The following GLP2R variants were observed in gnomAD, a reference collection of about 807,000 sequenced individuals.
GLP2R encodes the protein glucagon-like peptide 2 receptor.
GLP2R carries 59 observed loss-of-function variants against 68.2 expected under a neutral mutation model. The ratio of observed to expected loss-of-function variants is 0.87; its 90% CI spans 0.70 to 1.07. GLP2R has a LOEUF of 1.07. GLP2R is among the 50% of genes least tolerant of loss of function. The pLI is 0.00. For missense variants in GLP2R, 548 were observed against 677.4 expected (o/e 0.81, Z 2.12); for synonymous variants, 270 against 265.4 (o/e 1.02, Z -0.17).
intron 11 of GLP2R, among the ~76,000 whole-genome samples, chr17:9,882,537 C>T (rs754169252): frequency 6.6e-6 from 1 of 152,096 alleles, no homozygotes. Context: ...TGAGTTTCTG[C>T]ACACATACAG....
At position 9,835,778 on chromosome 17, in the gene GLP2R, T is replaced by C. The variant is rs150799850; in HGVS notation, c.278-593T>C. 5.4e-3 allele frequency among the ~76,000 whole-genome samples: 819 copies of C among 152,164 alleles called. 8 individuals carry two copies. Among genetic ancestry groups the C allele is most frequent in the African/African-American group, 0.018 (756 of 41,532 alleles). On this transcript the variant is annotated intron_variant, in intron 2 of 12. Coordinates refer to ENST00000262441, the MANE Select transcript of GLP2R (RefSeq NM_004246.3). ...GTCGGTGGCTGGGCATGGTGTCTCA[T>C]GCCTATAATCCCAGCACTTTGGGAA...
At chr17:9,884,962 C>T (rs17810412) in intron 11 of GLP2R, among the ~76,000 whole-genome samples, 31,212 of 151,640 alleles carry the variant, frequency 0.21, 4,210 homozygotes, top group Non-Finnish European at 0.31. Context: ...AATGTGAGCC[C>T]TTGATCACCT....
chr17:9,830,914 A>T (rs1268852171), intron 1 of GLP2R, among the ~76,000 whole-genome samples: 5 of 152,246 alleles, frequency 3.3e-5, no homozygotes, highest in African/African-American at 1.2e-4. Context: ...TGTGCAATGG[A>T]CAGCAGGCAC....
chr17:9,856,926 ATT>A (rs991891157), intron 5 of GLP2R, among the ~76,000 whole-genome samples: 57 of 146,630 alleles, frequency 3.9e-4, no homozygotes, highest in Non-Finnish European at 8.0e-4. Flanking sequence ...GGTGATAGCT[ATT>A]TTTTTTTTTT....
At chr17:9,864,509 TG>T (rs1177796526) in intron 9 of GLP2R, among the ~76,000 whole-genome samples, 1 of 151,662 alleles carries the variant, frequency 6.6e-6, no homozygotes, top group African/African-American at 2.4e-5. Flanking sequence ...TTTGTTTGTT[TG>T]TTTGTTTTGT....
chr17:9,865,613 A>G (rs183766574), intron 9 of GLP2R, among the ~76,000 whole-genome samples: 8 of 152,168 alleles, frequency 5.3e-5, no homozygotes, highest in African/African-American at 1.9e-4. Context: ...CCCTCCTCCC[A>G]TGCACACATA....
At chr17:9,850,257 T>A (rs1018139772) in intron 4 of GLP2R, among the ~76,000 whole-genome samples, 1 of 152,188 alleles carries the variant, frequency 6.6e-6, no homozygotes, top group Non-Finnish European at 1.5e-5. Flanking sequence ...CCAGGTTTTG[T>A]TAGAGACCTT....
Position 9,890,239 on chromosome 17 carries a change from A to C in GLP2R, c.*534A>C. On this transcript the variant is annotated 3_prime_UTR_variant, in exon 13 of 13. Transcript: ENST00000262441. Reference sequence around the variant, plus strand: ...AATTCTGCTGCAAGCCCACCCTTGGAGAACACTGGGCAGGGTGAGAGGGAG... The same window carrying C: ...AATTCTGCTGCAAGCCCACCCTTGGCGAACACTGGGCAGGGTGAGAGGGAG... 2 of 364,256 alleles carry C rather than the reference A, an allele frequency of 5.5e-6. No homozygotes were observed. Among genetic ancestry groups the C allele is most frequent in the Non-Finnish European group, 1.1e-5 (2 of 185,904 alleles). 22.6% of individuals were successfully genotyped at this position (364,256 alleles called of 1,614,324 possible).
At chr17:9,888,760 C>A (rs757367441) in intron 12 of GLP2R, among the ~76,000 whole-genome samples, 16 of 152,222 alleles carry the variant, frequency 1.1e-4, no homozygotes, top group Non-Finnish European at 1.8e-4. Flanking sequence ...AACCATGAAG[C>A]CTGGCCTATT....
intron 1 of GLP2R, among the ~76,000 whole-genome samples, chr17:9,827,130 A>G (rs978180963): frequency 2.0e-5 from 3 of 152,070 alleles, no homozygotes; most frequent in African/African-American, 4.8e-5. Context: ...CGGCCTCCCA[A>G]AGTGCTGAGA....
chr17:9,887,106 T>C (rs949355119), intron 11 of GLP2R, among the ~76,000 whole-genome samples: 1 of 152,124 alleles, frequency 6.6e-6, no homozygotes, highest in Non-Finnish European at 1.5e-5. Flanking sequence ...TTCCAGCCCA[T>C]TTTGGGCTGA....
At chr17:9,845,043 C>T (rs2066824688) in intron 4 of GLP2R, among the ~76,000 whole-genome samples, 1 of 145,436 alleles carries the variant, frequency 6.9e-6, no homozygotes, top group Non-Finnish European at 1.5e-5. Flanking sequence ...CCCCCACTCT[C>T]CGCCACTCCC....
At chr17:9,836,730 T>C (rs1314836305) in intron 3 of GLP2R, among the ~76,000 whole-genome samples, 1 of 152,134 alleles carries the variant, frequency 6.6e-6, no homozygotes, top group Non-Finnish European at 1.5e-5. Flanking sequence ...TGAATAAGCA[T>C]GGAGAATGGG....
rs376287843 is a variant in GLP2R at position 9,857,595 on chromosome 17, G to A, written c.765+19G>A. 1 of 1,613,030 alleles carries A rather than the reference G, an allele frequency of 6.2e-7. No homozygotes were observed. The highest frequency in any genetic ancestry group is 8.5e-7 in the Non-Finnish European group (1 of 1,179,100). ...GTCAGAGGTAATCCCCTTCCCCACT[G>A]TTTACACTGGACTCCCCACCTGATG... On this transcript the variant is annotated intron_variant, in intron 6 of 12. Transcript: ENST00000262441.
intron 4 of GLP2R, among the ~76,000 whole-genome samples, chr17:9,846,673 A>G (rs1335046001): frequency 3.9e-5 from 6 of 152,222 alleles, no homozygotes; most frequent in African/African-American, 1.4e-4. Flanking sequence ...AGTGGTGGAT[A>G]TACAGATGTT....
chr17:9,870,776 C>T lies in GLP2R; in HGVS notation c.1086C>T (p.Leu362=). Residue 362 remains leucine, a synonymous_variant, in exon 10 of 13, where the codon CTC becomes CTT. Coordinates refer to ENST00000262441, the MANE Select transcript of GLP2R (RefSeq NM_004246.3). ...ATTTCTTCATCTTCCTGAAAATTCT[C>T]AAGCTTCTCATTTCTAAGCTCAAAG... The part of the protein sequence containing the change: ...TVNFFIFLKI[L]KLLISKLKAH... 1.3e-6 allele frequency: 2 copies of T among 1,574,688 alleles called. No individual in the cohort carries two copies. The highest frequency in any genetic ancestry group is 1.7e-6 in the Non-Finnish European group (2 of 1,143,752).
chr17:9,889,500 GC>G lies in GLP2R; in HGVS notation c.1458del (p.Ala487LeufsTer19). 6.2e-7 allele frequency: 1 copy of G among 1,614,216 alleles called. No individual in the cohort carries two copies. The highest frequency in any genetic ancestry group is 8.5e-7 in the Non-Finnish European group (1 of 1,180,026). On this transcript the variant is annotated frameshift_variant, in exon 13 of 13. Transcript: ENST00000262441. LOFTEE classifies it low-confidence loss of function (END_TRUNC). ...KCPKKLSEGDGAEKLRKLQPS... is the reference protein window; with the variant it reads ...KCPKKLSEGDXAEKLRKLQPS... ...CCCAAGAAGCTCTCGGAAGGAGATG[GC>G]GCTGAGAAGCTTCGGAAGCTGCAGC... is the stretch of plus-strand genomic sequence containing the variant.
chr17:9,862,917 A>G (rs2066999920), intron 9 of GLP2R, among the ~76,000 whole-genome samples: 1 of 152,346 alleles, frequency 6.6e-6, no homozygotes, highest in East Asian at 1.9e-4. Context: ...CCATCAAAGA[A>G]AAAGGCTAGT....
chr17:9,832,101 A>T (rs188752053), intron 1 of GLP2R, among the ~76,000 whole-genome samples: 6 of 152,318 alleles, frequency 3.9e-5, no homozygotes, highest in Admixed American at 3.9e-4. Context: ...GGCCTGGCCC[A>T]CAATAGGTGC....
Sources: gnomAD v4.1 joint callset for allele counts (sites outside exome capture counted in the v4.1 genomes callset) on GRCh38, gnomAD v4.1.1 for gene constraint, MANE v1.5 for transcripts, NCBI Gene and HGNC (gene_info 2026-07-23, HGNC 2026-07-21) for gene names.